Variants in SEC11A observed in about 807,000 individuals in gnomAD.
The protein encoded by SEC11A is signal peptidase complex catalytic subunit SEC11A.
Under a neutral mutation model 25.6 loss-of-function variants are expected in SEC11A, and 14 were observed. That is an observed-to-expected ratio of 0.55 (90% CI 0.36 to 0.85). SEC11A has a LOEUF of 0.85. Among genes scored for constraint, SEC11A ranks in the 40% least tolerant of loss-of-function variants. The probability of loss-of-function intolerance (pLI) is 0.01; values close to 1 mark genes in which losing one functional copy is unlikely to be tolerated. For missense variants in SEC11A, 153 were observed against 222.9 expected (o/e 0.69, Z 2.00); for synonymous variants, 83 against 76.4 (o/e 1.09, Z -0.45).
rs571298799 is a variant in SEC11A at position 84,715,157 on chromosome 15, GA to G, written c.51+867del. Among the ~76,000 whole-genome samples, 579 of 151,162 alleles carry G rather than the reference GA, an allele frequency of 3.8e-3. 5 individuals are homozygous for G. The highest frequency in any genetic ancestry group is 0.021 in the Middle Eastern group (6 of 292). On this transcript the variant is annotated intron_variant, in intron 1 of 5. Coordinates refer to ENST00000268220, the MANE Select transcript of SEC11A (RefSeq NM_014300.4). ...TAAGTACAAAAAATGCAAGTCCAAGGAAAAAAAATCCTTAATGGTGACATCA... is the reference window on the plus strand; with the variant it reads ...TAAGTACAAAAAATGCAAGTCCAAGGAAAAAAATCCTTAATGGTGACATCA...
intron 1 of SEC11A, among the ~76,000 whole-genome samples, chr15:84,712,315 A>C (rs1206101635): frequency 6.6e-6 from 1 of 152,208 alleles, no homozygotes; most frequent in African/African-American, 2.4e-5. Context: ...GTACACTGAC[A>C]ACATGAAATA....
intron 1 of SEC11A, among the ~76,000 whole-genome samples, chr15:84,698,550 C>T (rs576548335): frequency 1.3e-5 from 2 of 152,126 alleles, no homozygotes; most frequent in South Asian, 2.1e-4. Flanking sequence ...ATTATTGTGA[C>T]CCAATAAAAT....
At chr15:84,697,385 A>G (rs1185231795) in intron 1 of SEC11A, among the ~76,000 whole-genome samples, 1 of 152,204 alleles carries the variant, frequency 6.6e-6, no homozygotes, top group Non-Finnish European at 1.5e-5. Flanking sequence ...TAATACTTTT[A>G]TTATGGAATT....
chr15:84,691,122 G>A (rs527842217), intron 2 of SEC11A, among the ~76,000 whole-genome samples: 151 of 140,750 alleles, frequency 1.1e-3, no homozygotes, highest in African/African-American at 3.9e-3. Flanking sequence ...CACCCAGGCT[G>A]AAGTGCAGTG....
chr15:84,711,456 T>C (rs1339637954), intron 1 of SEC11A, among the ~76,000 whole-genome samples: 1 of 151,456 alleles, frequency 6.6e-6, no homozygotes, highest in African/African-American at 2.4e-5. Flanking sequence ...TGGAACAAGC[T>C]TCCTAAATTT....
chr15:84,676,327 A>T (rs1205869387), intron 4 of SEC11A, among the ~76,000 whole-genome samples: 2 of 151,996 alleles, frequency 1.3e-5, no homozygotes, highest in Non-Finnish European at 2.9e-5. Flanking sequence ...TTAGGTGGGC[A>T]TGGTGGCACA....
In SEC11A at chr15:84,680,720, C is replaced by T. The variant is rs373635012; in HGVS notation, c.424G>A (p.Ala142Thr). 3 of 1,610,698 alleles carry T rather than the reference C, an allele frequency of 1.9e-6. No individual in the cohort carries two copies. Among genetic ancestry groups the T allele is most frequent in the African/African-American group, 2.7e-5 (2 of 74,828 alleles). ...WLEKKDVVGR[A>T]RGFVPYIGIV... is the part of the protein sequence containing the mutation. Reference sequence around the variant, plus strand: ...GCTCCCCTCTATACTTACCCCCTGGCTCTCCCCACAACATCTTTTTTCTCT... The same window carrying T: ...GCTCCCCTCTATACTTACCCCCTGGTTCTCCCCACAACATCTTTTTTCTCT... The change falls in exon 4 of 6, where the codon GCC becomes ACC. Residue 142 changes from alanine (A) to threonine (T), a missense_variant. Coordinates refer to ENST00000268220, the MANE Select transcript of SEC11A (RefSeq NM_014300.4).
intron 1 of SEC11A, among the ~76,000 whole-genome samples, chr15:84,708,324 C>T (rs192096170): frequency 9.4e-5 from 14 of 149,552 alleles, no homozygotes; most frequent in Admixed American, 4.7e-4. Flanking sequence ...AATATTTCTA[C>T]ATTGAAACTT....
At chr15:84,674,233 T>A (rs754122957) in intron 4 of SEC11A, among the ~76,000 whole-genome samples, 5 of 150,788 alleles carry the variant, frequency 3.3e-5, no homozygotes, top group African/African-American at 4.8e-5. Flanking sequence ...ATATATATAT[T>A]ATTTTTCCTT....
chr15:84,680,979 G>A, intron 3 of SEC11A, 147 bp from the exon 4 acceptor site: 3 of 627,030 alleles, frequency 4.8e-6, no homozygotes, highest in East Asian at 2.8e-5. Context: ...GGAGCTACAA[G>A]AATGTTAATA....
intron 1 of SEC11A, among the ~76,000 whole-genome samples, chr15:84,709,240 G>C (rs1898189925): frequency 6.6e-6 from 1 of 151,810 alleles, no homozygotes; most frequent in African/African-American, 2.4e-5. Flanking sequence ...ATGTTGACCA[G>C]GCTAGACTTG....
intron 1 of SEC11A, among the ~76,000 whole-genome samples, chr15:84,697,630 C>T (rs1897806755): frequency 6.6e-6 from 1 of 152,170 alleles, no homozygotes; most frequent in Non-Finnish European, 1.5e-5. Context: ...TCTTTTTACC[C>T]TCTCTTTTCC....
rs35466078 is a variant in SEC11A, at chr15:84,697,049, G to GAA, written c.52-5407_52-5406dup. ...AAAAATAACAAAATTTAAAAATTAA[G>GAA]AAAAAAAAAAGTGCCAGCCAAGGCA... On this transcript the variant is annotated intron_variant, in intron 1 of 5. Coordinates refer to ENST00000268220, the MANE Select transcript of SEC11A (RefSeq NM_014300.4). Among the ~76,000 whole-genome samples the GAA allele has an allele frequency of 8.2e-3, 1,199 of 145,526 alleles. 7 individuals carry two copies. The highest frequency in any genetic ancestry group is 0.015 in the African/African-American group (601 of 39,280).
chr15:84,689,285 C>T (rs1897528353), intron 2 of SEC11A, among the ~76,000 whole-genome samples: 1 of 151,922 alleles, frequency 6.6e-6, no homozygotes, highest in Non-Finnish European at 1.5e-5. Context: ...AGGGAAGAAA[C>T]TTTTGAAAGT....
At chr15:84,691,987 T>C in intron 1 of SEC11A, 1 of 167,726 alleles carries the variant, frequency 6.0e-6, no homozygotes, top group South Asian at 1.7e-4. Context: ...GAGTAATCTG[T>C]CTCTGCTTCT....
intron 1 of SEC11A, among the ~76,000 whole-genome samples, chr15:84,692,851 A>G (rs1050441674): frequency 7.2e-5 from 11 of 152,216 alleles, no homozygotes; most frequent in African/African-American, 2.7e-4. Flanking sequence ...ATATAAAGTG[A>G]AAAAACAGAA....
At chr15:84,712,384 T>C (rs1234940696) in intron 1 of SEC11A, among the ~76,000 whole-genome samples, 1 of 151,990 alleles carries the variant, frequency 6.6e-6, no homozygotes, top group Non-Finnish European at 1.5e-5. Context: ...GGCAAAACAG[T>C]ACAGCCATTC....
intron 2 of SEC11A, among the ~76,000 whole-genome samples, chr15:84,689,064 AAAAAG>A (rs1169632972): frequency 1.3e-5 from 2 of 151,744 alleles, no homozygotes; most frequent in East Asian, 1.9e-4. Flanking sequence ...AGAAAAGAAA[AAAAAG>A]AAAAGAAAAG....
intron 4 of SEC11A, among the ~76,000 whole-genome samples, chr15:84,676,577 C>T (rs530633239): frequency 3.5e-4 from 51 of 146,538 alleles, no homozygotes; most frequent in Admixed American, 6.8e-4. Flanking sequence ...AGTTCGAGAC[C>T]GCCTGGCTAA....
Sources: gnomAD v4.1 joint callset for allele counts (sites outside exome capture counted in the v4.1 genomes callset) on GRCh38, gnomAD v4.1.1 for gene constraint, MANE v1.5 for transcripts, NCBI Gene and HGNC (gene_info 2026-07-23, HGNC 2026-07-21) for gene names.